The following TBL1XR1 variants were observed in gnomAD, a reference collection of about 807,000 sequenced individuals.
TBL1XR1 encodes F-box-like/WD repeat-containing protein TBL1XR1.
TBL1XR1 carries 5 observed loss-of-function variants against 66.9 expected under a neutral mutation model. The observed-to-expected ratio is 0.07, with a 90% CI of 0.04 to 0.16. TBL1XR1 has a LOEUF of 0.16. Among genes scored for constraint, TBL1XR1 ranks in the 10% least tolerant of loss-of-function variants. TBL1XR1 has a pLI of 1.00. For synonymous variants in TBL1XR1, 210 were observed against 206.0 expected (o/e 1.02, Z -0.17); for missense variants, 238 against 623.2 (o/e 0.38, Z 6.58).
intron 1 of TBL1XR1, among the ~76,000 whole-genome samples, chr3:177,166,516 C>G (rs1167547081): frequency 6.6e-6 from 1 of 152,114 alleles, no homozygotes; most frequent in Non-Finnish European, 1.5e-5. Flanking sequence ...CAGCTTCCCC[C>G]ATGCTGTTCT....
In TBL1XR1 at chr3:177,082,872, C is replaced by CA. The variant is rs370284029; in HGVS notation, c.-46+15593dup. 1.1e-3 allele frequency among the ~76,000 whole-genome samples: 166 copies of CA among 150,360 alleles called. 1 individual carries two copies. Among genetic ancestry groups the CA allele is most frequent in the African/African-American group, 3.8e-3 (154 of 40,878 alleles). The stretch of plus-strand genomic sequence containing the variant: ...CCAGGTTCACGCCATTCTCCTGCCT[C>CA]AGCCTCTGGAGTAGCTGGGACTACA... On this transcript the variant is annotated intron_variant, in intron 2 of 15. Coordinates refer to ENST00000457928, the MANE Select transcript of TBL1XR1 (RefSeq NM_024665.7).
intron 2 of TBL1XR1, among the ~76,000 whole-genome samples, chr3:177,097,627 G>C (rs1206170461): frequency 6.6e-6 from 1 of 152,086 alleles, no homozygotes; most frequent in Non-Finnish European, 1.5e-5. Context: ...ATCTTTTTAA[G>C]TAGATAAGAA....
intron 1 of TBL1XR1, among the ~76,000 whole-genome samples, chr3:177,191,091 TACC>T (rs1352921698): frequency 1.3e-5 from 2 of 151,672 alleles, no homozygotes; most frequent in African/African-American, 4.9e-5. Context: ...TGGCAAAAAC[TACC>T]GTATTTGAGA....
intron 1 of TBL1XR1, among the ~76,000 whole-genome samples, chr3:177,193,063 G>T (rs545635382): frequency 1.3e-5 from 2 of 152,152 alleles, no homozygotes; most frequent in African/African-American, 2.4e-5. Context: ...TGAGGCAGGA[G>T]AATCACTTGA....
chr3:177,055,138 A>T (rs958587438), intron 3 of TBL1XR1, among the ~76,000 whole-genome samples: 1 of 152,150 alleles, frequency 6.6e-6, no homozygotes, highest in Non-Finnish European at 1.5e-5. Context: ...TAATCTATAT[A>T]GTATGTCTGT....
At chr3:177,125,415 G>A (rs1286170050) in intron 1 of TBL1XR1, among the ~76,000 whole-genome samples, 1 of 152,150 alleles carries the variant, frequency 6.6e-6, no homozygotes, top group African/African-American at 2.4e-5. Context: ...TGAGAAAGAT[G>A]AGAAACTGAA....
intron 2 of TBL1XR1, among the ~76,000 whole-genome samples, chr3:177,097,670 T>C (rs1375084622): frequency 6.6e-6 from 1 of 152,266 alleles, no homozygotes; most frequent in East Asian, 1.9e-4. Flanking sequence ...TTATAACAGG[T>C]AGAATCCTAG....
chr3:177,047,222 T>C (rs1322002307), intron 9 of TBL1XR1, 78 bp downstream of exon 9: 3 of 1,181,330 alleles, frequency 2.5e-6, no homozygotes, highest in South Asian at 3.1e-5. Context: ...GTTTATGTAA[T>C]TGGCAGCTAA....
At chr3:177,119,979 C>T (rs532060283) in intron 1 of TBL1XR1, among the ~76,000 whole-genome samples, 2 of 152,242 alleles carry the variant, frequency 1.3e-5, no homozygotes. Flanking sequence ...AAAAATACTG[C>T]GTAAGGTGAA....
At chr3:177,092,114 T>C (rs910458363) in intron 2 of TBL1XR1, among the ~76,000 whole-genome samples, 1 of 152,148 alleles carries the variant, frequency 6.6e-6, no homozygotes, top group Non-Finnish European at 1.5e-5. Context: ...AGCGCTCCCA[T>C]TGTGAAAATG....
intron 2 of TBL1XR1, chr3:177,086,875 T>C (rs1017063575): frequency 6.6e-6 from 1 of 151,360 alleles, no homozygotes; most frequent in African/African-American, 2.4e-5. Flanking sequence ...ACACACACCT[T>C]ACATGTTGTA....
intron 1 of TBL1XR1, among the ~76,000 whole-genome samples, chr3:177,177,252 C>T (rs1370491140): frequency 6.6e-6 from 1 of 152,098 alleles, no homozygotes; most frequent in African/African-American, 2.4e-5. Flanking sequence ...GAGTCCGAGA[C>T]CAGCCTGACC....
chr3:177,174,227 T>C (rs1000142472), intron 1 of TBL1XR1, among the ~76,000 whole-genome samples: 1 of 151,716 alleles, frequency 6.6e-6, no homozygotes, highest in African/African-American at 2.4e-5. Flanking sequence ...GGCTAACCAG[T>C]GAAACCCCGT....
At chr3:177,172,331 CAT>C (rs1245800879) in intron 1 of TBL1XR1, among the ~76,000 whole-genome samples, 1 of 148,578 alleles carries the variant, frequency 6.7e-6, no homozygotes, top group Non-Finnish European at 1.5e-5. Flanking sequence ...TCCACACTGA[CAT>C]AAGTCATGGA....
intron 1 of TBL1XR1, among the ~76,000 whole-genome samples, chr3:177,170,880 C>G (rs535128457): frequency 6.6e-6 from 1 of 152,088 alleles, no homozygotes; most frequent in East Asian, 1.9e-4. Flanking sequence ...GCTGGGATTG[C>G]AGGCATGAGC....
intron 1 of TBL1XR1, among the ~76,000 whole-genome samples, chr3:177,114,035 C>A (rs1377649626): frequency 6.6e-6 from 1 of 151,968 alleles, no homozygotes; most frequent in African/African-American, 2.4e-5. Context: ...TACAGTTAGA[C>A]AAAAAGAATA....
At chr3:177,025,893 T>C in intron 15 of TBL1XR1, 1 of 287,878 alleles carries the variant, frequency 3.5e-6, no homozygotes, top group Non-Finnish European at 6.5e-6. Context: ...TTTTCCCACC[T>C]TCTGGTGCTT....
intron 10 of TBL1XR1, among the ~76,000 whole-genome samples, chr3:177,045,458 T>C (rs564205946): frequency 1.3e-5 from 2 of 152,246 alleles, no homozygotes; most frequent in African/African-American, 4.8e-5. Context: ...TCAAGCTGAA[T>C]GTCTGGGTGT....
intron 2 of TBL1XR1, among the ~76,000 whole-genome samples, chr3:177,071,121 C>T (rs1196827492): frequency 6.8e-6 from 1 of 147,282 alleles, no homozygotes; most frequent in Non-Finnish European, 1.5e-5. Context: ...AGCTCCGCCT[C>T]CCAGGTTCAC....
Sources: allele counts gnomAD v4.1 joint callset (sites outside exome capture counted in the v4.1 genomes callset), GRCh38; gene constraint gnomAD v4.1.1; transcripts MANE v1.5; gene names NCBI Gene and HGNC (gene_info 2026-07-23, HGNC 2026-07-21).